Variants in ABL2 observed in about 807,000 individuals in gnomAD.
ABL2 encodes ABL proto-oncogene 2, non-receptor tyrosine kinase.
Under a neutral mutation model 107.7 loss-of-function variants are expected in ABL2, and 49 were observed. The observed-to-expected ratio is 0.45, with a 90% CI of 0.36 to 0.58. The LOEUF (loss-of-function observed/expected upper bound fraction) is 0.58, where lower values mean the gene tolerates loss of function less well. Among genes scored for constraint, ABL2 ranks in the 20% least tolerant of loss-of-function variants. ABL2 has a pLI of 0.00. For missense variants in ABL2, 1,245 were observed against 1,457.0 expected (o/e 0.85, Z 2.37); for synonymous variants, 549 against 548.6 (o/e 1.00, Z -0.01).
rs954667895 is a variant in ABL2, at chr1:179,104,032, C to T, written c.*3686G>A. The T allele has an allele frequency of 3.9e-5, 9 of 233,314 alleles. No individual in the cohort carries two copies. The South Asian group carries it at 1.6e-3, about 42-fold the overall frequency. The allele number at this position is 233,314 out of a possible 1,614,324, so 14.5% of individuals were successfully genotyped here. A position where few individuals can be genotyped will look rare whatever the true frequency, so the allele number is the denominator to read the frequency against. On this transcript the variant is annotated 3_prime_UTR_variant, in exon 12 of 12. Transcript: ENST00000502732. ...ATTCTGATCTGGAGTGGGGCTATTC[C>T]GTCAGTTTTTTTTGTTTGTTTTGTT...
chr1:179,114,765 C>T, intron 9 of ABL2, 113 bp downstream of exon 9: 2 of 1,108,926 alleles, frequency 1.8e-6, no homozygotes, highest in Non-Finnish European at 2.5e-6. Context: ...CTTTAAATGT[C>T]ATGAGGCTGG....
intron 5 of ABL2, 54 bp downstream of exon 5, chr1:179,121,541 T>A: frequency 6.4e-7 from 1 of 1,574,674 alleles, no homozygotes; most frequent in Non-Finnish European, 8.6e-7. Flanking sequence ...TATTTCCAAG[T>A]GATTGAGCAC....
At position 179,103,491 on chromosome 1, in the gene ABL2, A is replaced by G; in HGVS notation, c.*4227T>C. On this transcript the variant is annotated 3_prime_UTR_variant, in exon 12 of 12. Transcript: ENST00000502732. ...AATAAAGTTTTTTTAAAGAAAAGGG[A>G]ATGTAGGACTAACTAGGTTTTTTAA... is the stretch of plus-strand genomic sequence containing the variant. 4.8e-6 allele frequency: 1 copy of G among 209,592 alleles called. No homozygotes were observed. Among genetic ancestry groups the G allele is most frequent in the Non-Finnish European group, 9.7e-6 (1 of 103,198 alleles). The allele number at this position is 209,592 out of a possible 1,614,324, so 13.0% of individuals were successfully genotyped here.
In ABL2 at chr1:179,220,730, T is replaced by A. The variant is rs1226381697; in HGVS notation, c.157+8511A>T. Among the ~76,000 whole-genome samples the A allele has an allele frequency of 9.8e-5, 15 of 152,332 alleles. No homozygotes were observed. In the Middle Eastern group the frequency reaches 0.017, roughly 173 times the overall value. ...AAAGTCTGGTTTTCAGTAGCATTAT[T>A]TCTGACAGCTACATACTGCTGAATG... On this transcript the variant is annotated intron_variant, in intron 1 of 11. Transcript: ENST00000502732.
At chr1:179,152,770 A>AT (rs1301840630) in intron 1 of ABL2, among the ~76,000 whole-genome samples, 1 of 152,234 alleles carries the variant, frequency 6.6e-6, no homozygotes, top group Non-Finnish European at 1.5e-5. Context: ...GTTGCAGAGA[A>AT]TAACTAAAAG....
At chr1:179,198,837 T>G (rs1406500191) in intron 1 of ABL2, among the ~76,000 whole-genome samples, 2 of 150,208 alleles carry the variant, frequency 1.3e-5, no homozygotes, top group Non-Finnish European at 3.0e-5. Flanking sequence ...TTTATCCAAA[T>G]TATCCTTTTT....
chr1:179,185,972 G>A (rs1020848692), intron 1 of ABL2, among the ~76,000 whole-genome samples: 5 of 152,062 alleles, frequency 3.3e-5, no homozygotes, highest in Non-Finnish European at 4.4e-5. Context: ...TGGGCCGGGC[G>A]CAGTGGCTCA....
At chr1:179,200,596 A>G (rs1661612405) in intron 1 of ABL2, among the ~76,000 whole-genome samples, 1 of 152,208 alleles carries the variant, frequency 6.6e-6, no homozygotes, top group Non-Finnish European at 1.5e-5. Context: ...AACCCAAAAA[A>G]TGCTACCTAC....
rs1653055127 is a variant in ABL2 at position 179,101,161 on chromosome 1, C to G, written c.*6557G>C. 4.4e-6 allele frequency: 1 copy of G among 229,076 alleles called. No individual in the cohort carries two copies. Among genetic ancestry groups the G allele is most frequent in the East Asian group, 6.2e-5 (1 of 16,080 alleles). 14.2% of individuals were successfully genotyped at this position (229,076 alleles called of 1,614,324 possible). ...ACCCAGCTGACAAGTCTTTTCCTCT[C>G]TGAGACTCATGAAACCCATCTTTGA... On this transcript the variant is annotated 3_prime_UTR_variant, in exon 12 of 12. Transcript: ENST00000502732.
At chr1:179,123,187 G>C (rs1209772672) in intron 4 of ABL2, among the ~76,000 whole-genome samples, 3 of 152,156 alleles carry the variant, frequency 2.0e-5, no homozygotes, top group Non-Finnish European at 4.4e-5. Flanking sequence ...GCAGTTGAGT[G>C]TCTAGGCCAT....
At chr1:179,131,556 ACAGTATTT>A in intron 2 of ABL2, 75 bp from the exon 3 acceptor site, 1 of 1,463,278 alleles carries the variant, frequency 6.8e-7, no homozygotes, top group Non-Finnish European at 9.5e-7. Flanking sequence ...CATTATATAC[ACAGTATTT>A]CAGCTGCTGG....
Position 179,183,945 on chromosome 1 carries a change from G to A in ABL2, c.157+45296C>T, listed in dbSNP as rs540173446. On this transcript the variant is annotated intron_variant, in intron 1 of 11. Coordinates refer to ENST00000502732, the MANE Select transcript of ABL2 (RefSeq NM_007314.4). ...CATCATCAGCCTCTCTAGACTTGCCGAAGAGAGAAAAAGAACAGCAGGAAG... is the reference window on the plus strand; with the variant it reads ...CATCATCAGCCTCTCTAGACTTGCCAAAGAGAGAAAAAGAACAGCAGGAAG... The A allele has an allele frequency of 1.1e-4, 28 of 266,242 alleles. No homozygotes were observed. The South Asian group carries it at 1.1e-3, about 10-fold the overall frequency. 16.5% of individuals were successfully genotyped at this position (266,242 alleles called of 1,614,324 possible).
At chr1:179,111,720 A>C (rs1654095100) in intron 10 of ABL2, among the ~76,000 whole-genome samples, 1 of 152,174 alleles carries the variant, frequency 6.6e-6, no homozygotes, top group South Asian at 2.1e-4. Flanking sequence ...TACTAAGTTA[A>C]AGTTAACCTT....
intron 1 of ABL2, among the ~76,000 whole-genome samples, chr1:179,137,033 G>T (rs1245442475): frequency 6.6e-6 from 1 of 151,452 alleles, no homozygotes; most frequent in East Asian, 1.9e-4. Context: ...CTCTCAAAAA[G>T]AATATATATT....
intron 1 of ABL2, among the ~76,000 whole-genome samples, chr1:179,216,914 C>T (rs969529954): frequency 6.6e-6 from 1 of 151,290 alleles, no homozygotes; most frequent in African/African-American, 2.4e-5. Context: ...GAAGTCCTGA[C>T]CTCATGATCT....
intron 3 of ABL2, among the ~76,000 whole-genome samples, chr1:179,130,175 C>G (rs774411094): frequency 5.3e-5 from 8 of 152,196 alleles, no homozygotes; most frequent in Non-Finnish European, 1.0e-4. Context: ...CTCCTGAGCT[C>G]AGACAATCCA....
In ABL2 at chr1:179,187,828, G is replaced by T. The variant is rs183764789; in HGVS notation, c.157+41413C>A. Among the ~76,000 whole-genome samples, 8 of 152,024 alleles carry T rather than the reference G, an allele frequency of 5.3e-5. 1 individual carries two copies. Among genetic ancestry groups the T allele is most frequent in the Non-Finnish European group, 1.2e-4 (8 of 68,020 alleles). The stretch of plus-strand genomic sequence containing the variant: ...TTTCAGACTCATAACTAATCTCTCT[G>T]CTTTCACCCTTGTCCCCAAGAGTTT... On this transcript the variant is annotated intron_variant, in intron 1 of 11. Transcript: ENST00000502732.
At chr1:179,227,571 T>C (rs1213469031) in intron 1 of ABL2, among the ~76,000 whole-genome samples, 3 of 152,218 alleles carry the variant, frequency 2.0e-5, no homozygotes, top group African/African-American at 7.2e-5. Context: ...CATTGCCTAC[T>C]AGGCCAAGTT....
At chr1:179,200,576 G>T (rs1661609335) in intron 1 of ABL2, among the ~76,000 whole-genome samples, 1 of 152,018 alleles carries the variant, frequency 6.6e-6, no homozygotes, top group Admixed American at 6.6e-5. Flanking sequence ...CCCCATTTGG[G>T]CACAACTTAA....
Sources: gnomAD v4.1 joint callset for allele counts (sites outside exome capture counted in the v4.1 genomes callset) on GRCh38, gnomAD v4.1.1 for gene constraint, MANE v1.5 for transcripts, NCBI Gene and HGNC (gene_info 2026-07-23, HGNC 2026-07-21) for gene names.